Variants in RGS6 observed in about 807,000 individuals in gnomAD.
RGS6 encodes the protein regulator of G protein signaling 6, also known as regulator of G-protein signaling 6.
RGS6 carries 30 observed loss-of-function variants against 78.5 expected under a neutral mutation model. The observed-to-expected ratio is 0.38, with a 90% CI of 0.29 to 0.52. RGS6 has a LOEUF of 0.52. Ranked by LOEUF, RGS6 falls within the 20% of genes least tolerant of loss-of-function variation. RGS6 has a pLI of 0.85. For missense variants in RGS6, 495 were observed against 609.7 expected, an observed-to-expected ratio of 0.81 and a Z score of 1.98; for synonymous variants, 206 against 206.0, an observed-to-expected ratio of 1.00 and a Z score of 0.00.
chr14:72,337,275 C>A (rs2152642313), intron 2 of RGS6, among the ~76,000 whole-genome samples: 2 of 151,642 alleles, frequency 1.3e-5, no homozygotes, highest in Non-Finnish European at 2.9e-5. Context: ...AACCAACACC[C>A]CCTCCCCTGT....
intron 2 of RGS6, among the ~76,000 whole-genome samples, chr14:72,226,856 T>C (rs1302393922): frequency 6.6e-6 from 1 of 152,204 alleles, no homozygotes; most frequent in African/African-American, 2.4e-5. Context: ...TGGCTAATTT[T>C]TTGTATTTTT....
At chr14:72,090,205 T>C (rs757085064) in intron 2 of RGS6, among the ~76,000 whole-genome samples, 4 of 151,930 alleles carry the variant, frequency 2.6e-5, no homozygotes, top group African/African-American at 4.8e-5. Context: ...AGTTCTTTTG[T>C]AATATGGGTC....
intron 2 of RGS6, among the ~76,000 whole-genome samples, chr14:72,134,352 A>G (rs1452379441): frequency 6.6e-6 from 1 of 152,202 alleles, no homozygotes; most frequent in African/African-American, 2.4e-5. Context: ...ATTAGGAATG[A>G]TGTTGACCAT....
intron 2 of RGS6, among the ~76,000 whole-genome samples, chr14:72,052,977 CTT>C (rs2093364647): frequency 6.6e-5 from 3 of 45,620 alleles, no homozygotes; most frequent in Non-Finnish European, 1.1e-4. Flanking sequence ...TTCTTTCTTT[CTT>C]TCTTTCTCTC....
the RGS6 span, among the ~76,000 whole-genome samples, chr14:71,909,919 G>T: frequency 9.9e-5 from 15 of 152,062 alleles, no homozygotes; most frequent in Admixed American, 9.2e-4. Context: ...CAGGTGCGGT[G>T]GCTCATGCCT....
intron 3 of RGS6, among the ~76,000 whole-genome samples, chr14:72,374,358 C>A (rs1417504078): frequency 1.3e-5 from 2 of 151,894 alleles, no homozygotes; most frequent in Admixed American, 1.3e-4. Context: ...TCTGTCCCTG[C>A]AATAGTTTGC....
chr14:72,499,528 G>T (rs527538777), intron 13 of RGS6, among the ~76,000 whole-genome samples: 8 of 152,138 alleles, frequency 5.3e-5, no homozygotes, highest in African/African-American at 1.9e-4. Flanking sequence ...GGAATCGTAG[G>T]CTGCTGTCGA....
chr14:72,210,214 A>T lies in RGS6; in HGVS notation c.85-141881A>T, dbSNP rs957159964. Among the ~76,000 whole-genome samples the T allele has an allele frequency of 1.1e-4, 17 of 152,234 alleles. 1 individual carries two copies. The highest frequency in any genetic ancestry group is 1.1e-3 in the Admixed American group (17 of 15,278). On this transcript the variant is annotated intron_variant, in intron 2 of 17. Transcript: ENST00000553525. Reference sequence around the variant, plus strand: ...ATTAATCCGTTAGAGCCACAGGCAGATTGAGCACACTATTCTTAGCTCAGA... The same window carrying T: ...ATTAATCCGTTAGAGCCACAGGCAGTTTGAGCACACTATTCTTAGCTCAGA...
chr14:72,269,931 T>G (rs946437865), intron 2 of RGS6, among the ~76,000 whole-genome samples: 2 of 152,104 alleles, frequency 1.3e-5, no homozygotes, highest in African/African-American at 4.8e-5. Context: ...CCCAGGAAAT[T>G]AGAGGATAAA....
intron 2 of RGS6, among the ~76,000 whole-genome samples, chr14:72,253,457 G>A (rs565286274): frequency 6.6e-6 from 1 of 152,322 alleles, no homozygotes; most frequent in South Asian, 2.1e-4. Context: ...AAATATTTTA[G>A]GCTTGTGGGC....
intron 3 of RGS6, among the ~76,000 whole-genome samples, chr14:72,411,546 A>C (rs147320068): frequency 0.024 from 3,587 of 152,272 alleles, 54 homozygotes; most frequent in Middle Eastern, 0.041. Context: ...TTCCTAAATG[A>C]ATACCCTTTA....
chr14:72,481,520 T>A (rs1362494098), intron 12 of RGS6, among the ~76,000 whole-genome samples: 1 of 152,176 alleles, frequency 6.6e-6, no homozygotes, highest in Non-Finnish European at 1.5e-5. Flanking sequence ...ATCACTAATC[T>A]GGGGCTTTGC....
chr14:71,909,916 G>A, the RGS6 span, among the ~76,000 whole-genome samples: 558 of 152,164 alleles, frequency 3.7e-3, 1 homozygote, highest in Non-Finnish European at 6.3e-3. Flanking sequence ...GACCAGGTGC[G>A]GTGGCTCATG....
chr14:72,292,177 C>G (rs2063705417), intron 2 of RGS6, among the ~76,000 whole-genome samples: 1 of 152,186 alleles, frequency 6.6e-6, no homozygotes, highest in Non-Finnish European at 1.5e-5. Flanking sequence ...CCCAGGGCAT[C>G]AAACATTTTA....
chr14:72,237,885 A>G (rs758322857), intron 2 of RGS6, among the ~76,000 whole-genome samples: 1 of 152,166 alleles, frequency 6.6e-6, no homozygotes, highest in South Asian at 2.1e-4. Flanking sequence ...CATAGCAGTT[A>G]CTATCTGCAG....
chr14:72,397,456 C>T (rs532022210), intron 3 of RGS6, among the ~76,000 whole-genome samples: 38 of 151,240 alleles, frequency 2.5e-4, no homozygotes, highest in Non-Finnish European at 4.4e-4. Context: ...TGGGCTGAGA[C>T]GATGGGGTTT....
At chr14:72,381,378 A>G (rs1382500757) in intron 3 of RGS6, among the ~76,000 whole-genome samples, 1 of 152,132 alleles carries the variant, frequency 6.6e-6, no homozygotes, top group South Asian at 2.1e-4. Flanking sequence ...ACTATGCATT[A>G]TATGTATCAA....
chr14:71,899,905 T>C, the RGS6 span, among the ~76,000 whole-genome samples: 2 of 152,242 alleles, frequency 1.3e-5, no homozygotes, highest in Non-Finnish European at 2.9e-5. Flanking sequence ...CCTGTTCTTG[T>C]TTTACAACCA....
At chr14:72,004,565 G>A (rs972908612) in intron 2 of RGS6, among the ~76,000 whole-genome samples, 2 of 152,196 alleles carry the variant, frequency 1.3e-5, no homozygotes, top group Admixed American at 1.3e-4. Context: ...TCAGCACAGT[G>A]GTTCATGCCT....
Sources: allele counts gnomAD v4.1 joint callset (sites outside exome capture counted in the v4.1 genomes callset), GRCh38; gene constraint gnomAD v4.1.1; transcripts MANE v1.5; gene names NCBI Gene and HGNC (gene_info 2026-07-23, HGNC 2026-07-21).